Variants in LAS1L observed in about 807,000 individuals in gnomAD.
The protein encoded by LAS1L is LAS1 like ribosome biogenesis factor.
Under a neutral mutation model 57.3 loss-of-function variants are expected in LAS1L, and 5 were observed. The observed-to-expected ratio is 0.09, with a 90% CI of 0.05 to 0.18. The LOEUF (loss-of-function observed/expected upper bound fraction) is 0.18, where lower values mean the gene tolerates loss of function less well. Among genes scored for constraint, LAS1L ranks in the 10% least tolerant of loss-of-function variants. The pLI, the probability that LAS1L is intolerant of heterozygous loss-of-function variation, is 1.00. For missense variants in LAS1L, 360 were observed against 568.3 expected (o/e 0.63, Z 3.73); for synonymous variants, 245 against 231.7 (o/e 1.06, Z -0.52).
At chrX:65,518,608 A>T in intron 11 of LAS1L, 143 bp from the exon 12 acceptor site, 1 of 951,324 alleles carries the variant, frequency 1.1e-6, no homozygotes, top group African/African-American at 2.0e-5. Flanking sequence ...GAACATAGAA[A>T]CAACAGGACC....
rs376317815 is a variant in LAS1L at position 65,534,721 on chromosome X, G to A, written c.-6C>T. The A allele has an allele frequency of 5.2e-6, 6 of 1,147,167 alleles. No individual in the cohort carries two copies. Among genetic ancestry groups the A allele is most frequent in the Non-Finnish European group, 7.0e-6 (6 of 856,712 alleles). The allele number at this position is 1,147,167 out of a possible 1,213,427, so 94.5% of individuals were successfully genotyped here. On this transcript the variant is annotated 5_prime_UTR_variant, in exon 1 of 14. Coordinates refer to ENST00000374811, the MANE Select transcript of LAS1L (RefSeq NM_031206.7). ...GCCCCGGATTCCCACGACATACTGA[G>A]CTCAACAACAGGCTCTGTGCCGCGC...
intron 4 of LAS1L, among the ~76,000 whole-genome samples, chrX:65,530,626 A>G (rs6653220): frequency 0.24 from 25,225 of 106,821 alleles, 7,628 homozygotes; most frequent in African/African-American, 0.83. Context: ...GACCAACATG[A>G]TGAAACCCCA....
Position 65,518,413 on chromosome X carries a change from G to A in LAS1L, c.1501C>T (p.Leu501=). 1 of 1,210,826 alleles carries A rather than the reference G, an allele frequency of 8.3e-7. No homozygotes were observed. Among genetic ancestry groups the A allele is most frequent in the Non-Finnish European group, 1.1e-6 (1 of 894,795 alleles). The change falls in exon 12 of 14, where the codon CTG becomes TTG. Residue 501 remains leucine (L), a synonymous_variant. Coordinates refer to ENST00000374811, the MANE Select transcript of LAS1L (RefSeq NM_031206.7). ...GLPDEEQEKL[L]RICSIYTQSG... Reference sequence around the variant, plus strand: ...TGGGTATAAATGGAACAGATGCGCAGCAGCTTCTCCTGCTCCTCGTCTGGC... The same window carrying A: ...TGGGTATAAATGGAACAGATGCGCAACAGCTTCTCCTGCTCCTCGTCTGGC...
At chrX:65,524,308 G>T in intron 9 of LAS1L, 46 bp from the exon 10 acceptor site, 1 of 986,560 alleles carries the variant, frequency 1.0e-6, no homozygotes, top group Non-Finnish European at 1.4e-6. Context: ...AGGAGAGAGA[G>T]AGCAGGAGAG....
chrX:65,525,317 C>G (rs1007669677), intron 7 of LAS1L, among the ~76,000 whole-genome samples: 2 of 111,655 alleles, frequency 1.8e-5, no homozygotes, highest in Non-Finnish European at 3.8e-5. Flanking sequence ...GATCTATGGC[C>G]CATAACGAGA....
rs1033497183 is a variant in LAS1L, at chrX:65,512,624, A to G, written c.*151T>C. ...TATTTTTCAAAACAAAACAAAAACA[A>G]AAGACATTCAAAATTCCCCTGTGGT... is the stretch of plus-strand genomic sequence containing the variant. On this transcript the variant is annotated 3_prime_UTR_variant, in exon 14 of 14. Transcript: ENST00000374811. 1.3e-4 allele frequency: 84 copies of G among 646,762 alleles called. No individual in the cohort carries two copies. Among genetic ancestry groups the G allele is most frequent in the Non-Finnish European group, 1.8e-4 (79 of 442,934 alleles). 53.3% of individuals were successfully genotyped at this position (646,762 alleles called of 1,213,427 possible). A position where few individuals can be genotyped will look rare whatever the true frequency, so the allele number is the denominator to read the frequency against.
At chrX:65,530,612 G>A (rs1437289622) in intron 4 of LAS1L, among the ~76,000 whole-genome samples, 2 of 107,874 alleles carry the variant, frequency 1.9e-5, no homozygotes, top group East Asian at 2.9e-4. Flanking sequence ...TTCGAGACTA[G>A]CCTGACCAAC....
At chrX:65,516,585 G>A (rs1295871841) in intron 12 of LAS1L, among the ~76,000 whole-genome samples, 3 of 107,672 alleles carry the variant, frequency 2.8e-5, no homozygotes, top group Non-Finnish European at 3.8e-5. Flanking sequence ...AAAGCTGTAC[G>A]ACAGCCTGCT....
intron 7 of LAS1L, 110 bp downstream of exon 7, chrX:65,528,150 G>A (rs1304838455): frequency 2.0e-6 from 1 of 496,944 alleles, no homozygotes; most frequent in Non-Finnish European, 3.5e-6. Flanking sequence ...GATTATCCCT[G>A]GGATTTTGTA....
chrX:65,513,037 C>T, intron 13 of LAS1L, 136 bp from the exon 14 acceptor site: 1 of 650,749 alleles, frequency 1.5e-6, no homozygotes, highest in Non-Finnish European at 2.2e-6. Context: ...TGGAGCAAAT[C>T]CGAGAAACGA....
intron 5 of LAS1L, 63 bp downstream of exon 5, chrX:65,529,531 C>T: frequency 9.2e-6 from 10 of 1,092,826 alleles, no homozygotes; most frequent in South Asian, 2.1e-5. Flanking sequence ...AAATAAACAG[C>T]GTTAACCCTA....
chrX:65,521,891 A>G (rs1165030033), intron 11 of LAS1L: 2 of 111,379 alleles, frequency 1.8e-5, no homozygotes, highest in African/African-American at 6.6e-5. Flanking sequence ...TAGTGAGGAA[A>G]TGGAGAGTGT....
chrX:65,518,279 G>T lies in LAS1L; in HGVS notation c.1635C>A (p.Ser545Arg). The change falls in exon 12 of 14, where the codon AGC (serine) becomes AGA (arginine). Residue 545 changes from serine (S) to arginine (R), a missense_variant. Physicochemically the swap from Ser to Arg is moderately radical, Grantham distance 110. This residue lies in a region of LAS1L where 123 missense variants were observed against 168.3 expected (regional missense o/e 0.73). Coordinates refer to ENST00000374811, the MANE Select transcript of LAS1L (RefSeq NM_031206.7). ...LYWSVKPASS[S>R]FGSEAKAQQQ... ...GCTGGGCCTTTGCTTCAGACCCGAA[G>T]CTGGAGCTGGCTGGCTTGACGCTCC... 8.3e-7 allele frequency: 1 copy of T among 1,212,029 alleles called. No homozygotes were observed. Among genetic ancestry groups the T allele is most frequent in the Admixed American group, 2.2e-5 (1 of 46,077 alleles).
chrX:65,526,023 T>TC (rs2069126579), intron 7 of LAS1L, among the ~76,000 whole-genome samples: 1 of 111,382 alleles, frequency 9.0e-6, no homozygotes, highest in African/African-American at 3.3e-5. Flanking sequence ...GTTCTTGTTC[T>TC]ATTAGTTTCC....
At chrX:65,529,917 A>G in intron 4 of LAS1L, 39 bp from the exon 5 acceptor site, 1 of 1,171,436 alleles carries the variant, frequency 8.5e-7, no homozygotes, top group Non-Finnish European at 1.2e-6. Context: ...AGGATCAGGC[A>G]GGCAGCTAGC....
chrX:65,525,307 G>C (rs1282155370), intron 7 of LAS1L, among the ~76,000 whole-genome samples: 1 of 111,944 alleles, frequency 8.9e-6, no homozygotes, highest in Non-Finnish European at 1.9e-5. Flanking sequence ...CACTAATGCT[G>C]ATCTATGGCC....
rs375144574 is a variant in LAS1L at position 65,530,172 on chromosome X, T to C, written c.515-294A>G. Among the ~76,000 whole-genome samples the C allele has an allele frequency of 4.4e-5, 5 of 113,059 alleles. No homozygotes were observed. In the South Asian group the frequency reaches 1.4e-3, roughly 32 times the overall value. On this transcript the variant is annotated intron_variant, in intron 4 of 13. Transcript: ENST00000374811. ...AGAAGTAGGAATCAGCCCCATTAGC[T>C]AGTTACATGGCCTTGGCCAAGTCTC...
In LAS1L at chrX:65,518,054, G is replaced by A. The variant is rs374883101; in HGVS notation, c.1860C>T (p.Ala620=). 1.2e-4 allele frequency: 140 copies of A among 1,210,254 alleles called. No individual in the cohort carries two copies. Among genetic ancestry groups the A allele is most frequent in the Non-Finnish European group, 1.3e-4 (119 of 895,115 alleles). Residue 620 remains alanine (A), a synonymous_variant, in exon 12 of 14, where the codon GCC becomes GCT. Coordinates refer to ENST00000374811, the MANE Select transcript of LAS1L (RefSeq NM_031206.7). ...TCTGGGCCAGAAGCCTAGCATTCTC[G>A]GCAGTGGGGGACTCTTGCCCTGTAG... The part of the protein sequence containing the change: ...PFSTGQESPT[A]ENARLLAQKR...
At chrX:65,526,181 T>G (rs2069132931) in intron 7 of LAS1L, among the ~76,000 whole-genome samples, 1 of 112,169 alleles carries the variant, frequency 8.9e-6, no homozygotes, top group Non-Finnish European at 1.9e-5. Context: ...GGCACCATGC[T>G]TCTCATACAG....
Sources: gnomAD v4.1 joint callset for allele counts (sites outside exome capture counted in the v4.1 genomes callset) on GRCh38, gnomAD v4.1.1 for gene constraint, gnomAD v4.1.1 regional missense constraint, MANE v1.5 for transcripts, NCBI Gene and HGNC (gene_info 2026-07-23, HGNC 2026-07-21) for gene names.